The following WDR72 variants were observed in gnomAD, a reference collection of about 807,000 sequenced individuals.
WDR72 encodes the protein WD repeat-containing protein 72.
Under a neutral mutation model 124.2 loss-of-function variants are expected in WDR72, and 120 were observed. That is an observed-to-expected ratio of 0.97 (90% CI 0.83 to 1.12). WDR72 has a LOEUF of 1.12. Ranked by LOEUF, WDR72 falls within the 50% of genes most tolerant of loss-of-function variation. WDR72 has a pLI of 0.00. For synonymous variants in WDR72, 452 were observed against 441.7 expected, an observed-to-expected ratio of 1.02 and a Z score of -0.29; for missense variants, 1,387 against 1,278.8, an observed-to-expected ratio of 1.08 and a Z score of -1.29.
At chr15:53,587,044 T>A (rs9672398) in intron 18 of WDR72, among the ~76,000 whole-genome samples, 5 of 151,914 alleles carry the variant, frequency 3.3e-5, no homozygotes, top group Admixed American at 6.6e-5. Context: ...ACTGGGTTTC[T>A]CAATGATTGT....
intron 18 of WDR72, among the ~76,000 whole-genome samples, chr15:53,558,452 A>G (rs1029680751): frequency 2.0e-5 from 3 of 152,082 alleles, no homozygotes; most frequent in African/African-American, 7.2e-5. Flanking sequence ...TATGTATCAC[A>G]TTAGACAATT....
chr15:53,537,798 T>C (rs983192688), intron 18 of WDR72, among the ~76,000 whole-genome samples: 59 of 152,222 alleles, frequency 3.9e-4, no homozygotes, highest in Admixed American at 3.9e-3. Flanking sequence ...AATGTAGTAA[T>C]ATCTAAAATT....
intron 13 of WDR72, among the ~76,000 whole-genome samples, chr15:53,689,410 T>C (rs2016759781): frequency 6.7e-6 from 1 of 149,400 alleles, no homozygotes; most frequent in Non-Finnish European, 1.5e-5. Context: ...GCAAAGGACA[T>C]GAACAGACAC....
At chr15:53,629,888 C>T (rs2014355937) in intron 14 of WDR72, among the ~76,000 whole-genome samples, 2 of 152,128 alleles carry the variant, frequency 1.3e-5, no homozygotes, top group South Asian at 4.1e-4. Context: ...ACAAAATTGG[C>T]AATATTTCAC....
intron 18 of WDR72, among the ~76,000 whole-genome samples, chr15:53,595,631 T>TTG (rs1350747939): frequency 6.6e-6 from 1 of 152,202 alleles, no homozygotes; most frequent in East Asian, 1.9e-4. Flanking sequence ...AATGAACAAG[T>TTG]AACACTAGCT....
chr15:53,567,281 G>C (rs940185110), intron 18 of WDR72, among the ~76,000 whole-genome samples: 2 of 151,958 alleles, frequency 1.3e-5, no homozygotes, highest in Non-Finnish European at 1.5e-5. Flanking sequence ...AATGAGTATA[G>C]ATTTTCTAAA....
chr15:53,690,342 C>T (rs1019322133), intron 13 of WDR72, among the ~76,000 whole-genome samples: 5 of 152,130 alleles, frequency 3.3e-5, no homozygotes, highest in Non-Finnish European at 7.4e-5. Context: ...AGTGCATTGA[C>T]AATGTTGTGT....
intron 14 of WDR72, among the ~76,000 whole-genome samples, chr15:53,635,224 G>A (rs1330366728): frequency 6.6e-6 from 1 of 152,126 alleles, no homozygotes; most frequent in Non-Finnish European, 1.5e-5. Context: ...CATCCTCCCT[G>A]GTGTAGCTCT....
At chr15:53,698,725 A>C (rs2017079987) in intron 13 of WDR72, among the ~76,000 whole-genome samples, 1 of 152,166 alleles carries the variant, frequency 6.6e-6, no homozygotes, top group Admixed American at 6.5e-5. Flanking sequence ...AACAAGCAAG[A>C]CCCTCAAACT....
At chr15:53,655,101 C>T (rs138213112) in intron 14 of WDR72, among the ~76,000 whole-genome samples, 1,961 of 151,642 alleles carry the variant, frequency 0.013, 32 homozygotes, top group East Asian at 0.069. Context: ...CGTGGTGGTG[C>T]ACACCTGTAA....
At chr15:53,604,703 T>G (rs530685674) in intron 17 of WDR72, among the ~76,000 whole-genome samples, 1 of 152,232 alleles carries the variant, frequency 6.6e-6, no homozygotes, top group East Asian at 1.9e-4. Flanking sequence ...GACATATATG[T>G]GGCCAAAAAT....
At chr15:53,609,154 AT>A (rs1160612874) in intron 17 of WDR72, among the ~76,000 whole-genome samples, 3 of 152,122 alleles carry the variant, frequency 2.0e-5, no homozygotes, top group Non-Finnish European at 4.4e-5. Context: ...AAAATCAAAA[AT>A]TAAAAAAAAA....
chr15:53,711,438 CTAA>C lies in WDR72; in HGVS notation c.752_754del (p.Val251_Ser252delinsGly), dbSNP rs1188401149. ...ACCAGCAAAGAACTGCCCATTTCTA[CTAA>C]CTTCAGTCAGCAGAAGGGAAAAATC... On this transcript the variant is annotated inframe_deletion, in exon 8 of 20. Coordinates refer to ENST00000360509, the MANE Select transcript of WDR72 (RefSeq NM_182758.4). 61 of 1,613,960 alleles carry C rather than the reference CTAA, an allele frequency of 3.8e-5. No individual in the cohort carries two copies. The highest frequency in any genetic ancestry group is 5.0e-5 in the Non-Finnish European group (59 of 1,180,026).
rs1891444279 is a variant in WDR72, at chr15:53,516,042, C to T, written c.*1657G>A. 6.6e-6 allele frequency: 1 copy of T among 152,082 alleles called. No individual in the cohort carries two copies. Among genetic ancestry groups the T allele is most frequent in the Admixed American group, 6.6e-5 (1 of 15,266 alleles). The allele number at this position is 152,082 out of a possible 1,614,324, so 9.4% of individuals were successfully genotyped here. A position where few individuals can be genotyped will look rare whatever the true frequency, so the allele number is the denominator to read the frequency against. On this transcript the variant is annotated 3_prime_UTR_variant, in exon 20 of 20. Transcript: ENST00000360509. Reference sequence around the variant, plus strand: ...CAAGAAAATATAATCCATCGCCTAACTTGCTACCTTCCTTTATTTTGAAAC... The same window carrying T: ...CAAGAAAATATAATCCATCGCCTAATTTGCTACCTTCCTTTATTTTGAAAC...
chr15:53,718,702 T>C (rs1403688789), intron 3 of WDR72, among the ~76,000 whole-genome samples: 1 of 151,666 alleles, frequency 6.6e-6, no homozygotes, highest in Non-Finnish European at 1.5e-5. Context: ...AGTTTGTACA[T>C]AGCTAAAATC....
chr15:53,661,750 C>T (rs1365627962), intron 14 of WDR72, among the ~76,000 whole-genome samples: 2 of 151,922 alleles, frequency 1.3e-5, no homozygotes, highest in Non-Finnish European at 2.9e-5. Flanking sequence ...TTCTACATAA[C>T]CAAAATAGAA....
In WDR72 at chr15:53,514,273, A is replaced by C. The variant is rs900263735; in HGVS notation, c.*3426T>G. 6.6e-6 allele frequency: 1 copy of C among 152,212 alleles called. No individual in the cohort carries two copies. Among genetic ancestry groups the C allele is most frequent in the Non-Finnish European group, 1.5e-5 (1 of 68,040 alleles). 9.4% of individuals were successfully genotyped at this position (152,212 alleles called of 1,614,324 possible). ...TAAAGGAGTCTATAACACCGCTTTTATATAACTGAGCAATCAAAATGTATG... is the reference window on the plus strand; with the variant it reads ...TAAAGGAGTCTATAACACCGCTTTTCTATAACTGAGCAATCAAAATGTATG... On this transcript the variant is annotated 3_prime_UTR_variant, in exon 20 of 20. Coordinates refer to ENST00000360509, the MANE Select transcript of WDR72 (RefSeq NM_182758.4).
At chr15:53,622,131 A>G (rs1450126616) in intron 14 of WDR72, among the ~76,000 whole-genome samples, 3 of 151,714 alleles carry the variant, frequency 2.0e-5, no homozygotes, top group Non-Finnish European at 4.4e-5. Flanking sequence ...ACAACAGATA[A>G]TAGCAGGGCG....
chr15:53,721,455 G>A (rs962433502), intron 3 of WDR72, among the ~76,000 whole-genome samples: 10 of 152,168 alleles, frequency 6.6e-5, no homozygotes, highest in Non-Finnish European at 1.5e-4. Flanking sequence ...CTCAGCATGT[G>A]TAGCAGACTT....
Sources: gnomAD v4.1 joint callset for allele counts (sites outside exome capture counted in the v4.1 genomes callset) on GRCh38, gnomAD v4.1.1 for gene constraint, MANE v1.5 for transcripts, NCBI Gene and HGNC (gene_info 2026-07-23, HGNC 2026-07-21) for gene names.